Variants in DCC observed in about 807,000 individuals in gnomAD.
DCC encodes DCC netrin 1 receptor.
Under a neutral mutation model 172.5 loss-of-function variants are expected in DCC, and 58 were observed. The observed-to-expected ratio is 0.34, with a 90% CI of 0.27 to 0.42. The LOEUF (loss-of-function observed/expected upper bound fraction) is 0.42. Among genes scored for constraint, DCC ranks in the 10% least tolerant of loss-of-function variants. DCC has a pLI of 1.00. For missense variants in DCC, 1,740 were observed against 1,791.0 expected (o/e 0.97, Z 0.51); for synonymous variants, 709 against 644.5 (o/e 1.10, Z -1.52).
At chr18:52,406,474 A>C (rs1986656157) in intron 1 of DCC, among the ~76,000 whole-genome samples, 1 of 152,128 alleles carries the variant, frequency 6.6e-6, no homozygotes, top group Non-Finnish European at 1.5e-5. Context: ...ACAAATTTAC[A>C]AGAAAAAGAA....
chr18:53,146,251 G>A (rs1411689349), intron 7 of DCC, among the ~76,000 whole-genome samples: 1 of 152,082 alleles, frequency 6.6e-6, no homozygotes, highest in Admixed American at 6.6e-5. Flanking sequence ...AAACACCACA[G>A]ACTGGGTGAT....
At chr18:53,226,934 G>GTATATA (rs1555734406) in intron 12 of DCC, among the ~76,000 whole-genome samples, 18 of 68,140 alleles carry the variant, frequency 2.6e-4, no homozygotes, top group African/African-American at 8.7e-4. Context: ...GTGTGTGTGT[G>GTATATA]TATATATATA....
chr18:52,826,286 A>C (rs923956209), intron 2 of DCC, among the ~76,000 whole-genome samples: 5 of 152,158 alleles, frequency 3.3e-5, no homozygotes, highest in African/African-American at 1.2e-4. Flanking sequence ...ACATTTCAGG[A>C]ACAGTTAGGG....
rs73463013 is a variant in DCC, at chr18:53,239,529, G to A, written c.1911+23932G>A. Among the ~76,000 whole-genome samples, 207 of 152,300 alleles carry A rather than the reference G, an allele frequency of 1.4e-3. 1 individual carries two copies. The highest frequency in any genetic ancestry group is 4.8e-3 in the African/African-American group (198 of 41,578). On this transcript the variant is annotated intron_variant, in intron 12 of 28. Coordinates refer to ENST00000442544, the MANE Select transcript of DCC (RefSeq NM_005215.4). ...TAGGTGAGTGAATTCACGGAGCAGA[G>A]ACAGAAATGAGGGAGAACGCACCCA... is the stretch of plus-strand genomic sequence containing the variant.
chr18:53,197,085 G>A (rs1489794553), intron 9 of DCC, among the ~76,000 whole-genome samples: 1 of 152,022 alleles, frequency 6.6e-6, no homozygotes, highest in East Asian at 1.9e-4. Flanking sequence ...GGCAATCAAA[G>A]CATATACTTT....
At chr18:53,097,950 T>C (rs2043111271) in intron 7 of DCC, among the ~76,000 whole-genome samples, 1 of 152,092 alleles carries the variant, frequency 6.6e-6, no homozygotes, top group African/African-American at 2.4e-5. Flanking sequence ...ACAGTCACAT[T>C]GGGGGTTAGA....
At chr18:53,339,967 T>C in intron 15 of DCC, 60 bp downstream of exon 15, 13 of 1,482,408 alleles carry the variant, frequency 8.8e-6, no homozygotes, top group Non-Finnish European at 1.2e-5. Flanking sequence ...TTTTGAATTA[T>C]TGTATTTCTT....
At chr18:52,865,497 A>G (rs548095610) in intron 2 of DCC, among the ~76,000 whole-genome samples, 1 of 152,260 alleles carries the variant, frequency 6.6e-6, no homozygotes, top group East Asian at 1.9e-4. Context: ...CCTCTCCAGC[A>G]TCAGTTGTTT....
In DCC at chr18:53,078,593, T is replaced by TA. The variant is rs543285791; in HGVS notation, c.1261+12435dup. On this transcript the variant is annotated intron_variant, in intron 7 of 28. Coordinates refer to ENST00000442544, the MANE Select transcript of DCC (RefSeq NM_005215.4). ...AAAAGGTCTAGGTTACAATCTAGGT[T>TA]AAAAAAAAGAGAAATAATATTTTTT... 5.1e-3 allele frequency among the ~76,000 whole-genome samples: 780 copies of TA among 151,744 alleles called. 6 individuals are homozygous for TA. Among genetic ancestry groups the TA allele is most frequent in the Admixed American group, 0.022 (340 of 15,236 alleles).
intron 25 of DCC, among the ~76,000 whole-genome samples, chr18:53,476,132 A>G (rs1261655039): frequency 2.0e-5 from 3 of 152,176 alleles, no homozygotes; most frequent in Non-Finnish European, 4.4e-5. Flanking sequence ...CCCATTTTAT[A>G]TAGGAAGTAA....
At chr18:53,021,881 T>G (rs2041886604) in intron 5 of DCC, among the ~76,000 whole-genome samples, 1 of 152,218 alleles carries the variant, frequency 6.6e-6, no homozygotes, top group Non-Finnish European at 1.5e-5. Context: ...CTGCATTTGG[T>G]TTTATTTGGA....
chr18:53,450,350 A>G, intron 22 of DCC, 150 bp from the exon 23 acceptor site: 1 of 794,696 alleles, frequency 1.3e-6, no homozygotes, highest in Non-Finnish European at 2.1e-6. Flanking sequence ...GTTTCCTCTC[A>G]TTTTTTCATT....
chr18:53,483,496 C>T (rs920745817), intron 25 of DCC, among the ~76,000 whole-genome samples: 4 of 151,744 alleles, frequency 2.6e-5, no homozygotes, highest in African/African-American at 9.7e-5. Context: ...TCAACATCAT[C>T]CCCTTAAAAA....
chr18:52,986,621 G>A (rs59456053), intron 5 of DCC, among the ~76,000 whole-genome samples: 7,813 of 151,662 alleles, frequency 0.052, 345 homozygotes, highest in East Asian at 0.21. Context: ...TTTCAGAACT[G>A]TTATAAGTTT....
chr18:52,914,620 G>T (rs1462504808), intron 3 of DCC, among the ~76,000 whole-genome samples: 1 of 150,884 alleles, frequency 6.6e-6, no homozygotes, highest in Non-Finnish European at 1.5e-5. Flanking sequence ...GATCAGTTTG[G>T]ATTAGGCTGG....
intron 5 of DCC, among the ~76,000 whole-genome samples, chr18:53,037,263 A>C (rs755783020): frequency 1.3e-5 from 2 of 151,990 alleles, no homozygotes; most frequent in African/African-American, 2.4e-5. Flanking sequence ...ACCTAGGAAA[A>C]TTTGGAGGAT....
At position 52,399,277 on chromosome 18, in the gene DCC, A is replaced by ATC. The variant is rs545285230; in HGVS notation, c.91+58401_91+58402dup. On this transcript the variant is annotated intron_variant, in intron 1 of 28. Coordinates refer to ENST00000442544, the MANE Select transcript of DCC (RefSeq NM_005215.4). The stretch of plus-strand genomic sequence containing the variant: ...ATCAGGGACAGCTTTACTGATGACA[A>ATC]TCTAACTTCCTCCTAGCTCTAGTTG... 3.0e-4 allele frequency among the ~76,000 whole-genome samples: 46 copies of ATC among 152,064 alleles called. 1 individual carries two copies. In the East Asian group the frequency reaches 5.8e-3, roughly 19 times the overall value.
chr18:53,068,819 T>TGTGTGTGTGTG, intron 7 of DCC, among the ~76,000 whole-genome samples: 1 of 115,254 alleles, frequency 8.7e-6, no homozygotes, highest in South Asian at 2.7e-4. Context: ...GTGTGTGTGT[T>TGTGTGTGTGTG]GCTGGGGACT....
chr18:52,407,649 T>C (rs1452466434), intron 1 of DCC, among the ~76,000 whole-genome samples: 1 of 151,862 alleles, frequency 6.6e-6, no homozygotes, highest in Non-Finnish European at 1.5e-5. Flanking sequence ...TTGCATCTTC[T>C]TCCATCTATC....
Sources: gnomAD v4.1 joint callset for allele counts (sites outside exome capture counted in the v4.1 genomes callset) on GRCh38, gnomAD v4.1.1 for gene constraint, MANE v1.5 for transcripts, NCBI Gene and HGNC (gene_info 2026-07-23, HGNC 2026-07-21) for gene names.